The following CTNNA3 variants were observed in gnomAD, a reference collection of about 807,000 sequenced individuals.
The protein encoded by CTNNA3 is catenin alpha-3.
CTNNA3 carries 76 observed loss-of-function variants against 95.7 expected under a neutral mutation model. That is an observed-to-expected ratio of 0.79 (90% CI 0.66 to 0.96). The LOEUF (loss-of-function observed/expected upper bound fraction) is 0.96. CTNNA3 is among the 40% of genes least tolerant of loss of function. The pLI is 0.00. For synonymous variants in CTNNA3, 431 were observed against 374.4 expected (o/e 1.15, Z -1.74); for missense variants, 1,191 against 1,089.8 (o/e 1.09, Z -1.31).
chr10:67,384,850 C>T (rs955338402), intron 5 of CTNNA3, among the ~76,000 whole-genome samples: 1 of 152,136 alleles, frequency 6.6e-6, no homozygotes, highest in African/African-American at 2.4e-5. Flanking sequence ...TTTAAGAAAG[C>T]CTTACTGAGT....
chr10:66,546,057 C>T (rs1842025815), intron 10 of CTNNA3, among the ~76,000 whole-genome samples: 1 of 151,770 alleles, frequency 6.6e-6, no homozygotes, highest in East Asian at 1.9e-4. Flanking sequence ...CTTTCACTCT[C>T]TTATGGATGT....
intron 5 of CTNNA3, among the ~76,000 whole-genome samples, chr10:67,427,632 A>G (rs2132886264): frequency 6.6e-6 from 1 of 152,146 alleles, no homozygotes; most frequent in East Asian, 1.9e-4. Context: ...TTCTTATATA[A>G]AGTAAACTAA....
chr10:67,505,682 C>T (rs1839407317), intron 5 of CTNNA3, among the ~76,000 whole-genome samples: 1 of 152,180 alleles, frequency 6.6e-6, no homozygotes, highest in South Asian at 2.1e-4. Flanking sequence ...CAATCAGCAC[C>T]TCACTTGGAA....
At chr10:65,963,446 C>T (rs559737444) in intron 17 of CTNNA3, among the ~76,000 whole-genome samples, 1 of 152,274 alleles carries the variant, frequency 6.6e-6, no homozygotes, top group South Asian at 2.1e-4. Context: ...TACTTATTAA[C>T]CAAGGCCCAA....
intron 10 of CTNNA3, among the ~76,000 whole-genome samples, chr10:66,583,729 TG>T (rs1291195436): frequency 2.0e-5 from 3 of 151,944 alleles, no homozygotes; most frequent in East Asian, 1.9e-4. Context: ...GCTTTAGGTA[TG>T]TTTTTTTCTT....
At chr10:67,167,631 GT>G (rs1477159037) in intron 7 of CTNNA3, among the ~76,000 whole-genome samples, 2 of 152,198 alleles carry the variant, frequency 1.3e-5, no homozygotes, top group Non-Finnish European at 2.9e-5. Flanking sequence ...GTGAAATATT[GT>G]TGTAGCTATC....
chr10:67,537,851 T>C (rs1239410413), intron 4 of CTNNA3, among the ~76,000 whole-genome samples: 3 of 152,144 alleles, frequency 2.0e-5, no homozygotes, highest in Non-Finnish European at 1.5e-5. Flanking sequence ...TCTGTGGTTA[T>C]TAAACAAACC....
chr10:67,571,769 C>A (rs1403991554), intron 3 of CTNNA3, among the ~76,000 whole-genome samples: 1 of 152,070 alleles, frequency 6.6e-6, no homozygotes, highest in Non-Finnish European at 1.5e-5. Flanking sequence ...TTGGACTGTA[C>A]GGGATGGCAA....
intron 7 of CTNNA3, among the ~76,000 whole-genome samples, chr10:67,025,870 A>G (rs577151707): frequency 6.7e-6 from 1 of 150,056 alleles, no homozygotes; most frequent in African/African-American, 2.5e-5. Context: ...AATGTCCAAC[A>G]ATGATAGACT....
chr10:66,025,322 C>T lies in CTNNA3; in HGVS notation c.2160-36525G>A, dbSNP rs183115027. Among the ~76,000 whole-genome samples the T allele has an allele frequency of 1.4e-3, 206 of 152,280 alleles. 2 individuals are homozygous for T. Among genetic ancestry groups the T allele is most frequent in the African/African-American group, 4.4e-3 (185 of 41,574 alleles). On this transcript the variant is annotated intron_variant, in intron 15 of 17. Transcript: ENST00000433211. Reference sequence around the variant, plus strand: ...AGCTCTAGCTGCTATTTCAGCAAAACCCAATTGTAAATTCATATTGTGGAT... The same window carrying T: ...AGCTCTAGCTGCTATTTCAGCAAAATCCAATTGTAAATTCATATTGTGGAT...
In CTNNA3 at chr10:66,157,429, G is replaced by GTAGA. The variant is rs1299634844; in HGVS notation, c.1885-54184_1885-54181dup. Among the ~76,000 whole-genome samples the GTAGA allele has an allele frequency of 7.5e-4, 102 of 135,906 alleles. No homozygotes were observed. The East Asian group carries it at 0.016, about 22-fold the overall frequency. The allele number at this position is 135,906 out of a possible 152,430, so 89.2% of individuals were successfully genotyped here. On this transcript the variant is annotated intron_variant, in intron 13 of 17. Transcript: ENST00000433211. The stretch of plus-strand genomic sequence containing the variant: ...CATAGATAGGTAGGTAGGTAGGTAG[G>GTAGA]TAGATAGATAGATAGATGATAGATA...
At chr10:66,538,587 C>T (rs375352277) in intron 10 of CTNNA3, among the ~76,000 whole-genome samples, 6 of 152,102 alleles carry the variant, frequency 3.9e-5, no homozygotes, top group African/African-American at 1.2e-4. Context: ...CAGATAGATA[C>T]GTGACTCTCC....
upstream of CTNNA3, among the ~76,000 whole-genome samples, chr10:67,700,461 C>T (rs1266658821): frequency 1.3e-5 from 2 of 152,178 alleles, no homozygotes; most frequent in Non-Finnish European, 1.5e-5. Flanking sequence ...GCAGCATTCA[C>T]GGTTCACGAA....
chr10:66,539,348 T>A (rs2660009), intron 10 of CTNNA3, among the ~76,000 whole-genome samples: 140,108 of 152,138 alleles, frequency 0.92, 64,710 homozygotes, highest in East Asian at 0.98. Flanking sequence ...TACATAAGAT[T>A]AATGAATGTT....
At chr10:67,761,370 T>C (rs1187700170) in intron 1 of CTNNA3, among the ~76,000 whole-genome samples, 3 of 152,198 alleles carry the variant, frequency 2.0e-5, no homozygotes, top group Non-Finnish European at 4.4e-5. Context: ...TATGATTTTA[T>C]AAAATGCTCC....
chr10:66,315,084 C>T (rs1289289492), intron 12 of CTNNA3, among the ~76,000 whole-genome samples: 4 of 151,892 alleles, frequency 2.6e-5, no homozygotes, highest in Admixed American at 6.6e-5. Flanking sequence ...AATAGTACAC[C>T]GTGGTTCTTT....
Position 66,927,834 on chromosome 10 carries a change from C to T in CTNNA3, c.1048-152310G>A. On this transcript the variant is annotated intron_variant, in intron 7 of 17. Transcript: ENST00000433211. This position sits in a 1 kb window ranked among gnomAD's most constrained non-coding sequence, Gnocchi z 4.7. ...TGGATTCTTGGATATCCCTCAATGA[C>T]ATCAGTCTTGCTGGGAATATATGGG... is the stretch of plus-strand genomic sequence containing the variant. 1 of 1,614,232 alleles carries T rather than the reference C, an allele frequency of 6.2e-7. No individual in the cohort carries two copies. The highest frequency in any genetic ancestry group is 1.3e-5 in the African/African-American group (1 of 75,062).
chr10:66,936,336 A>C (rs1847693903), intron 7 of CTNNA3, among the ~76,000 whole-genome samples: 1 of 152,130 alleles, frequency 6.6e-6, no homozygotes, highest in South Asian at 2.1e-4. Context: ...AAAATCCCAA[A>C]TGATGGAGAT....
intron 9 of CTNNA3, among the ~76,000 whole-genome samples, chr10:66,727,440 G>T (rs974085078): frequency 6.6e-5 from 10 of 152,036 alleles, no homozygotes; most frequent in African/African-American, 2.4e-4. Flanking sequence ...AAAACTCAAT[G>T]CAGATCATAT....
Sources: allele counts gnomAD v4.1 joint callset (sites outside exome capture counted in the v4.1 genomes callset), GRCh38; gene constraint gnomAD v4.1.1; non-coding constraint Gnocchi (gnomAD v3.1); transcripts MANE v1.5; gene names NCBI Gene and HGNC (gene_info 2026-07-23, HGNC 2026-07-21).